ACTN1: variants seen among roughly 807,000 people sequenced by gnomAD.
ACTN1 encodes the protein alpha-actinin-1.
A neutral mutation model predicts 119.6 loss-of-function variants in ACTN1; 30 were observed. The ratio of observed to expected loss-of-function variants is 0.25; its 90% CI spans 0.19 to 0.34. The LOEUF is 0.34. Among genes scored for constraint, ACTN1 ranks in the 10% least tolerant of loss-of-function variants. The pLI is 1.00. For missense variants in ACTN1, 764 were observed against 1,223.4 expected, an observed-to-expected ratio of 0.62 and a Z score of 5.60; for synonymous variants, 429 against 472.6, an observed-to-expected ratio of 0.91 and a Z score of 1.20.
At chr14:68,902,651 C>G in intron 7 of ACTN1, 89 bp from the exon 8 acceptor site, 1 of 1,112,716 alleles carries the variant, frequency 9.0e-7, no homozygotes, top group Non-Finnish European at 1.3e-6. Context: ...CGCAGCACCA[C>G]CAAGTCTTCT....
At chr14:68,910,111 G>GT in intron 4 of ACTN1, 69 bp from the exon 5 acceptor site, 1 of 1,363,508 alleles carries the variant, frequency 7.3e-7, no homozygotes, top group Non-Finnish European at 1.0e-6. Context: ...CCGGCTCACA[G>GT]GAGGCCCCAC....
Position 68,892,076 on chromosome 14 carries a change from G to A in ACTN1, c.1063C>T (p.Pro355Ser). The A allele has an allele frequency of 6.2e-7, 1 of 1,613,900 alleles. No homozygotes were observed. The highest frequency in any genetic ancestry group is 1.1e-5 in the South Asian group (1 of 91,060). ...ACCGAGACCATCCTGCCCTCAGAGG[G>A]CATGAAGGCAGGCCGGTTGCTGAGC... is the stretch of plus-strand genomic sequence containing the variant. ...LRLSNRPAFM[P>S]SEGRMVSDIN... Residue 355 changes from proline (P) to serine (S), a missense_variant, in exon 10 of 22, where the codon CCC becomes TCC. Transcript: ENST00000394419.
At chr14:68,974,521 T>C (rs2036998110) in intron 1 of ACTN1, among the ~76,000 whole-genome samples, 2 of 151,800 alleles carry the variant, frequency 1.3e-5, no homozygotes, top group Non-Finnish European at 2.9e-5. Flanking sequence ...CTTTCAGGCA[T>C]CTCCCCTCTC....
At chr14:68,956,022 G>C (rs1440816420) in intron 1 of ACTN1, among the ~76,000 whole-genome samples, 1 of 152,200 alleles carries the variant, frequency 6.6e-6, no homozygotes, top group Non-Finnish European at 1.5e-5. Context: ...GCTGGAGCCA[G>C]GCACAGTGGC....
intron 10 of ACTN1, among the ~76,000 whole-genome samples, chr14:68,891,713 T>C (rs1276045039): frequency 6.6e-6 from 1 of 152,194 alleles, no homozygotes; most frequent in Non-Finnish European, 1.5e-5. Flanking sequence ...TCAACTTGAC[T>C]GCGATTCAAT....
At chr14:68,970,102 C>T (rs2036834139) in intron 1 of ACTN1, among the ~76,000 whole-genome samples, 1 of 152,180 alleles carries the variant, frequency 6.6e-6, no homozygotes. Flanking sequence ...GGCCTCAAAT[C>T]ACAGGCCTTG....
chr14:68,901,245 TTTTG>T (rs1398493352), intron 8 of ACTN1, among the ~76,000 whole-genome samples: 7 of 126,744 alleles, frequency 5.5e-5, no homozygotes, highest in East Asian at 2.1e-4. Context: ...TTTGTTTTTG[TTTTG>T]TTTTTTTTTT....
intron 3 of ACTN1, among the ~76,000 whole-genome samples, chr14:68,919,012 A>G (rs1174152731): frequency 1.3e-5 from 2 of 152,328 alleles, no homozygotes; most frequent in Admixed American, 1.3e-4. Context: ...TGGCCCACGT[A>G]AAGCACCCTG....
At chr14:68,893,815 T>C in intron 8 of ACTN1, 68 bp from the exon 9 acceptor site, 2 of 1,506,848 alleles carry the variant, frequency 1.3e-6, no homozygotes, top group South Asian at 2.3e-5. Context: ...TACACACCTG[T>C]GCTGACAAAG....
intron 1 of ACTN1, among the ~76,000 whole-genome samples, chr14:68,953,171 ACT>A (rs1158714856): frequency 2.0e-5 from 3 of 151,972 alleles, no homozygotes; most frequent in African/African-American, 7.3e-5. Context: ...ATCTTATTTA[ACT>A]CTGAGCTCAC....
rs764943291 is a variant in ACTN1 at position 68,950,462 on chromosome 14, G to GTA, written c.106-24792_106-24791dup. Among the ~76,000 whole-genome samples, 175 of 125,916 alleles carry GTA rather than the reference G, an allele frequency of 1.4e-3. 6 individuals are homozygous for GTA. The highest frequency in any genetic ancestry group is 2.4e-3 in the Admixed American group (34 of 13,938). 82.6% of individuals were successfully genotyped at this position (125,916 alleles called of 152,430 possible). A position where few individuals can be genotyped will look rare whatever the true frequency, so the allele number is the denominator to read the frequency against. ...TTTACCATAATATATATGCGTGTGT[G>GTA]TATATATATATATATAAATCAAACA... On this transcript the variant is annotated intron_variant, in intron 1 of 21. Coordinates refer to ENST00000394419, the MANE Select transcript of ACTN1 (RefSeq NM_001130004.2).
At chr14:68,895,498 G>A (rs1032669493) in intron 8 of ACTN1, among the ~76,000 whole-genome samples, 15 of 152,042 alleles carry the variant, frequency 9.9e-5, no homozygotes, top group Admixed American at 2.6e-4. Context: ...GCAGCTTGCC[G>A]GAAGCCCCAG....
chr14:68,945,098 G>A (rs373707535), intron 1 of ACTN1, among the ~76,000 whole-genome samples: 2 of 151,064 alleles, frequency 1.3e-5, no homozygotes, highest in Non-Finnish European at 2.9e-5. Flanking sequence ...CCCAGGAGGC[G>A]GAGGTTGCAG....
At chr14:68,884,970 C>T in intron 12 of ACTN1, 87 bp from the exon 13 acceptor site, 1 of 1,141,920 alleles carries the variant, frequency 8.8e-7, no homozygotes, top group Non-Finnish European at 1.3e-6. Context: ...AGTGGGGTGG[C>T]TGGTGGTGCT....
chr14:68,878,956 C>T lies in ACTN1; in HGVS notation c.2361+33G>A. On this transcript the variant is annotated intron_variant, in intron 19 of 21. Coordinates refer to ENST00000394419, the MANE Select transcript of ACTN1 (RefSeq NM_001130004.2). This position sits in a 1 kb window ranked among gnomAD's most constrained non-coding sequence, Gnocchi z 4.4. ...GCATTATTTCTTGCCCCAGACGCCA[C>T]CCCTGAGCGTGCTCCATGCAGGAGG... 1 of 1,612,962 alleles carries T rather than the reference C, an allele frequency of 6.2e-7. No individual in the cohort carries two copies.
intron 1 of ACTN1, among the ~76,000 whole-genome samples, chr14:68,940,529 T>A (rs571165501): frequency 3.3e-5 from 5 of 152,082 alleles, no homozygotes; most frequent in Admixed American, 6.5e-5. Flanking sequence ...AAAACTAGAC[T>A]TACGGTAGGG....
In ACTN1 at chr14:68,882,364, G is replaced by A; in HGVS notation, c.1953+94C>T. 1.3e-6 allele frequency: 2 copies of A among 1,539,728 alleles called. No individual in the cohort carries two copies. Among genetic ancestry groups the A allele is most frequent in the Non-Finnish European group, 1.8e-6 (2 of 1,135,966 alleles). ...GGCTCCGGGCCTCAGTCCTCCATGG[G>A]TCCCACCCAGGGAGACAGGCAGCCT... On this transcript the variant is annotated intron_variant, in intron 16 of 21. Transcript: ENST00000394419. The surrounding 1 kb of genome is among the most constrained non-coding windows in gnomAD (Gnocchi z 4.5).
intron 6 of ACTN1, among the ~76,000 whole-genome samples, chr14:68,905,014 C>G (rs1204350608): frequency 1.3e-5 from 2 of 152,204 alleles, no homozygotes; most frequent in Non-Finnish European, 2.9e-5. Context: ...GAAGGAGTTC[C>G]TAAGAAACGT....
In ACTN1 at chr14:68,905,104, G is replaced by A. The variant is rs113833685; in HGVS notation, c.595-368C>T. 7.9e-5 allele frequency among the ~76,000 whole-genome samples: 12 copies of A among 152,298 alleles called. 2 individuals carry two copies. Among genetic ancestry groups the A allele is most frequent in the African/African-American group, 2.6e-4 (11 of 41,574 alleles). On this transcript the variant is annotated intron_variant, in intron 6 of 21. Transcript: ENST00000394419. ...GCTCTGCCCTCAACCAGTGGGACTC[G>A]TGGGTAGCTAACCTGACCTCAGCTT...
Sources: gnomAD v4.1 joint callset for allele counts (sites outside exome capture counted in the v4.1 genomes callset) on GRCh38, gnomAD v4.1.1 for gene constraint, Gnocchi (gnomAD v3.1) non-coding constraint, MANE v1.5 for transcripts, NCBI Gene and HGNC (gene_info 2026-07-23, HGNC 2026-07-21) for gene names.